The following WDR43 variants were observed in gnomAD, a reference collection of about 807,000 sequenced individuals.
The protein encoded by WDR43 is WD repeat-containing protein 43.
Under a neutral mutation model 91.4 loss-of-function variants are expected in WDR43, and 13 were observed. The observed-to-expected ratio is 0.14, with a 90% confidence interval of 0.09 to 0.23. The LOEUF (loss-of-function observed/expected upper bound fraction) is 0.23, where lower values mean the gene tolerates loss of function less well. Ranked by LOEUF, WDR43 falls within the 10% of genes least tolerant of loss-of-function variation. The pLI is 1.00. For missense variants in WDR43, 780 were observed against 809.4 expected (o/e 0.96, Z 0.44); for synonymous variants, 331 against 287.9 (o/e 1.15, Z -1.51).
intron 1 of WDR43, among the ~76,000 whole-genome samples, chr2:28,898,158 A>T (rs1440199315): frequency 2.0e-5 from 3 of 152,162 alleles, no homozygotes; most frequent in African/African-American, 7.2e-5. Context: ...TCCTTCTCTA[A>T]CAGACCTTGT....
chr2:28,918,872 C>T (rs2148187750), intron 6 of WDR43, among the ~76,000 whole-genome samples: 1 of 152,244 alleles, frequency 6.6e-6, no homozygotes, highest in South Asian at 2.1e-4. Flanking sequence ...TAAGGATATT[C>T]ACTTTTAACT....
At chr2:28,929,951 G>C (rs1403022323) in intron 11 of WDR43, 1 of 580,802 alleles carries the variant, frequency 1.7e-6, no homozygotes, top group Non-Finnish European at 3.2e-6. Flanking sequence ...ATACTGTTCT[G>C]AATTATTAGG....
At chr2:28,927,724 T>C in intron 10 of WDR43, 24 bp downstream of exon 10, 1 of 1,610,144 alleles carries the variant, frequency 6.2e-7, no homozygotes, top group Non-Finnish European at 8.5e-7. Flanking sequence ...TTTGACCATA[T>C]ATTTGAGTTT....
intron 14 of WDR43, among the ~76,000 whole-genome samples, chr2:28,938,651 T>G (rs1464739682): frequency 6.6e-6 from 1 of 152,206 alleles, no homozygotes; most frequent in Non-Finnish European, 1.5e-5. Context: ...AATTGTTCTT[T>G]AAAATGTAGC....
intron 16 of WDR43, among the ~76,000 whole-genome samples, chr2:28,943,353 G>T (rs1398098693): frequency 2.0e-5 from 3 of 152,050 alleles, no homozygotes; most frequent in African/African-American, 7.2e-5. Flanking sequence ...AGCTGATCTT[G>T]TACACCGTGG....
intron 11 of WDR43, among the ~76,000 whole-genome samples, chr2:28,932,826 A>G (rs1029962911): frequency 5.3e-5 from 8 of 152,240 alleles, no homozygotes; most frequent in Non-Finnish European, 1.2e-4. Flanking sequence ...TATGTAATTC[A>G]TGGCATCCAT....
intron 7 of WDR43, among the ~76,000 whole-genome samples, chr2:28,923,629 C>T (rs1671077810): frequency 6.6e-6 from 1 of 152,126 alleles, no homozygotes; most frequent in Non-Finnish European, 1.5e-5. Context: ...TAAATATAAA[C>T]AGATTATGAA....
intron 16 of WDR43, among the ~76,000 whole-genome samples, chr2:28,945,686 TG>T (rs1477621337): frequency 6.6e-6 from 1 of 152,264 alleles, no homozygotes; most frequent in Non-Finnish European, 1.5e-5. Flanking sequence ...ACATTGTGCC[TG>T]TTATCAGTTT....
intron 1 of WDR43, chr2:28,895,836 G>T (rs920055995): frequency 2.0e-5 from 3 of 152,168 alleles, no homozygotes; most frequent in Non-Finnish European, 4.4e-5. Context: ...ACTGCAAAGT[G>T]ATTTGGAAAC....
intron 14 of WDR43, among the ~76,000 whole-genome samples, chr2:28,940,709 C>T (rs1162490867): frequency 2.0e-5 from 3 of 152,138 alleles, no homozygotes. Context: ...TTATGGCCAT[C>T]ATGGTTTCCT....
chr2:28,899,696 T>G (rs1204002861), intron 1 of WDR43, among the ~76,000 whole-genome samples: 1 of 152,218 alleles, frequency 6.6e-6, no homozygotes, highest in African/African-American at 2.4e-5. Flanking sequence ...AAACTCTTGG[T>G]TTGAAAAATA....
chr2:28,906,619 G>A (rs372728966), intron 3 of WDR43, 38 bp downstream of exon 3: 43 of 1,596,562 alleles, frequency 2.7e-5, no homozygotes, highest in Non-Finnish European at 3.0e-5. Flanking sequence ...TGCAATAGAC[G>A]TGGATAAATG....
intron 6 of WDR43, among the ~76,000 whole-genome samples, chr2:28,922,254 C>T (rs79203647): frequency 0.023 from 3,553 of 152,284 alleles, 68 homozygotes; most frequent in Non-Finnish European, 0.034. Flanking sequence ...GTATTGGCTC[C>T]TCCCTGAATT....
intron 3 of WDR43, among the ~76,000 whole-genome samples, chr2:28,906,871 G>C: frequency 6.6e-6 from 1 of 152,180 alleles, no homozygotes; most frequent in East Asian, 1.9e-4. Context: ...AGGGATTTCA[G>C]TTGGACCTTC....
At chr2:28,936,994 A>G in intron 13 of WDR43, 41 bp downstream of exon 13, 2 of 1,538,966 alleles carry the variant, frequency 1.3e-6, no homozygotes, top group Non-Finnish European at 8.8e-7. Context: ...GTTGTCTGAC[A>G]GCATGAAATT....
At chr2:28,942,619 CTTTT>C (rs11379144) in intron 16 of WDR43, among the ~76,000 whole-genome samples, 2 of 139,534 alleles carry the variant, frequency 1.4e-5, no homozygotes, top group African/African-American at 5.3e-5. Flanking sequence ...TTTTTCTTTT[CTTTT>C]TTTTTTTTTT....
intron 16 of WDR43, 127 bp downstream of exon 16, chr2:28,942,508 A>G: frequency 9.9e-7 from 1 of 1,008,570 alleles, no homozygotes; most frequent in Non-Finnish European, 1.5e-6. Context: ...TAATTAAAAT[A>G]GGCAAGTCCG....
chr2:28,913,753 A>C (rs2148185098), intron 4 of WDR43: 1 of 549,734 alleles, frequency 1.8e-6, no homozygotes, highest in South Asian at 1.4e-5. Context: ...GAGCACCCAA[A>C]GTATGCCTTT....
At chr2:28,912,539 TAA>T in intron 3 of WDR43, 49 bp from the exon 4 acceptor site, 1 of 1,583,622 alleles carries the variant, frequency 6.3e-7, no homozygotes, top group Non-Finnish European at 8.6e-7. Context: ...CTGCTCTGAG[TAA>T]AGTTTTCTCT....
Sources: gnomAD v4.1 joint callset for allele counts (sites outside exome capture counted in the v4.1 genomes callset) on GRCh38, gnomAD v4.1.1 for gene constraint, MANE v1.5 for transcripts, NCBI Gene and HGNC (gene_info 2026-07-23, HGNC 2026-07-21) for gene names.